DEPTOR: variants seen among roughly 807,000 people sequenced by gnomAD.
The protein encoded by DEPTOR is DEP domain containing MTOR interacting protein.
A neutral mutation model predicts 41.6 loss-of-function variants in DEPTOR; 41 were observed. The ratio of observed to expected loss-of-function variants is 0.98; its 90% CI spans 0.77 to 1.28. DEPTOR has a LOEUF of 1.28. Among genes scored for constraint, DEPTOR ranks in the 50% most tolerant of loss-of-function variants. The pLI, the probability that DEPTOR is intolerant of heterozygous loss-of-function variation, is 0.00. For synonymous variants in DEPTOR, 195 were observed against 192.3 expected, an observed-to-expected ratio of 1.01 and a Z score of -0.12; for missense variants, 514 against 527.9, an observed-to-expected ratio of 0.97 and a Z score of 0.26.
intron 3 of DEPTOR, among the ~76,000 whole-genome samples, chr8:119,930,544 T>G (rs1182613626): frequency 6.6e-6 from 1 of 152,132 alleles, no homozygotes; most frequent in Non-Finnish European, 1.5e-5. Flanking sequence ...GCCCCCTTTT[T>G]TCTTTTAAAT....
At chr8:119,954,747 G>A (rs970723581) in intron 3 of DEPTOR, among the ~76,000 whole-genome samples, 1 of 152,066 alleles carries the variant, frequency 6.6e-6, no homozygotes, top group Non-Finnish European at 1.5e-5. Context: ...GGTTAATACG[G>A]GTCTGGGAAA....
At chr8:120,021,382 G>A (rs1449263974) in intron 8 of DEPTOR, among the ~76,000 whole-genome samples, 3 of 152,092 alleles carry the variant, frequency 2.0e-5, no homozygotes, top group Admixed American at 6.6e-5. Flanking sequence ...CAGCCTGGGC[G>A]ACAAGAGTGA....
At chr8:120,007,285 T>A (rs1226744590) in intron 7 of DEPTOR, among the ~76,000 whole-genome samples, 1 of 152,204 alleles carries the variant, frequency 6.6e-6, no homozygotes, top group East Asian at 1.9e-4. Flanking sequence ...ATGCCAATAA[T>A]CCCTTCTGCA....
intron 8 of DEPTOR, among the ~76,000 whole-genome samples, chr8:120,026,921 T>C (rs1187542550): frequency 6.6e-6 from 1 of 152,150 alleles, no homozygotes; most frequent in Non-Finnish European, 1.5e-5. Context: ...CAACTGTTCT[T>C]AATAATAGTA....
intron 1 of DEPTOR, among the ~76,000 whole-genome samples, chr8:119,906,337 T>C (rs1015669297): frequency 3.3e-5 from 5 of 149,974 alleles, no homozygotes; most frequent in Non-Finnish European, 7.4e-5. Flanking sequence ...ATGTCTGTGG[T>C]CCCAGCTACT....
intron 8 of DEPTOR, among the ~76,000 whole-genome samples, chr8:120,016,823 C>T (rs758779201): frequency 7.9e-5 from 12 of 151,870 alleles, no homozygotes; most frequent in Non-Finnish European, 1.8e-4. Context: ...AGGTTGTTCT[C>T]GAACTCCTGA....
At chr8:119,896,373 G>A (rs374376879) in intron 1 of DEPTOR, among the ~76,000 whole-genome samples, 15 of 152,344 alleles carry the variant, frequency 9.8e-5, no homozygotes, top group African/African-American at 3.1e-4. Context: ...CTCTTTGATG[G>A]TTGAGGACAC....
intron 1 of DEPTOR, among the ~76,000 whole-genome samples, chr8:119,908,414 C>G (rs13267896): frequency 1.3e-5 from 2 of 151,820 alleles, no homozygotes; most frequent in Admixed American, 6.6e-5. Context: ...CATAGTGAGA[C>G]CCTGGTAGTA....
intron 1 of DEPTOR, among the ~76,000 whole-genome samples, chr8:119,882,841 C>T (rs916594565): frequency 1.3e-5 from 2 of 152,158 alleles, no homozygotes; most frequent in Non-Finnish European, 2.9e-5. Context: ...ACTTTCTACA[C>T]GGTAATTATA....
rs1387086577 is a variant in DEPTOR at position 120,049,603 on chromosome 8, G to A, written c.1129G>A (p.Gly377Arg). ...CTGTCAGTTTGTCGTCTCTGTCAAC[G>A]GGCTCAATGTCCTGCATGTAGACTA... ...KVCQFVVSVNGLNVLHVDYRT... is the reference protein window; with the variant it reads ...KVCQFVVSVNRLNVLHVDYRT... The change falls in exon 9 of 9, where the codon GGG becomes AGG. Residue 377 changes from glycine (G) to arginine (R), a missense_variant. Gly to Arg is a moderately radical substitution (Grantham distance 125). Coordinates refer to ENST00000286234, the MANE Select transcript of DEPTOR (RefSeq NM_022783.4). 5.0e-6 allele frequency: 8 copies of A among 1,613,174 alleles called. No homozygotes were observed. Among genetic ancestry groups the A allele is most frequent in the Admixed American group, 1.7e-5 (1 of 59,922 alleles).
chr8:119,930,683 A>G (rs1204819376), intron 3 of DEPTOR, among the ~76,000 whole-genome samples: 3 of 152,180 alleles, frequency 2.0e-5, no homozygotes, highest in Non-Finnish European at 2.9e-5. Context: ...TCTATGAGGA[A>G]CAAGTTTCAG....
chr8:119,946,620 G>A (rs888019748), intron 3 of DEPTOR, among the ~76,000 whole-genome samples: 1 of 151,998 alleles, frequency 6.6e-6, no homozygotes, highest in Non-Finnish European at 1.5e-5. Context: ...TGTAATCCCA[G>A]CTACTCGGGA....
intron 4 of DEPTOR, among the ~76,000 whole-genome samples, chr8:119,978,964 T>C (rs1348838162): frequency 6.6e-6 from 1 of 151,686 alleles, no homozygotes; most frequent in Non-Finnish European, 1.5e-5. Context: ...CCCTGCTCCC[T>C]GCTCCCTGCT....
chr8:120,042,660 A>G (rs1813094741), intron 8 of DEPTOR, among the ~76,000 whole-genome samples: 1 of 151,944 alleles, frequency 6.6e-6, no homozygotes, highest in Admixed American at 6.6e-5. Flanking sequence ...CTGGGATTAC[A>G]GGCATGCACC....
intron 4 of DEPTOR, among the ~76,000 whole-genome samples, chr8:119,976,296 G>A (rs954552295): frequency 2.6e-5 from 4 of 152,176 alleles, no homozygotes; most frequent in African/African-American, 9.6e-5. Flanking sequence ...TAACTAGAGA[G>A]TAAATGTTTT....
chr8:119,877,043 G>T (rs575198817), intron 1 of DEPTOR, among the ~76,000 whole-genome samples: 1 of 152,240 alleles, frequency 6.6e-6, no homozygotes, highest in East Asian at 1.9e-4. Flanking sequence ...AGGCTGCCTG[G>T]GTTCTTATTC....
At position 119,947,430 on chromosome 8, in the gene DEPTOR, C is replaced by T. The variant is rs115151323; in HGVS notation, c.425+17492C>T. ...CCATGCTGAGATGGTTGAGAGTCACCAAGCATCTGCCTGCACACCAGTGGC... is the reference window on the plus strand; with the variant it reads ...CCATGCTGAGATGGTTGAGAGTCACTAAGCATCTGCCTGCACACCAGTGGC... On this transcript the variant is annotated intron_variant, in intron 3 of 8. Coordinates refer to ENST00000286234, the MANE Select transcript of DEPTOR (RefSeq NM_022783.4). 5.5e-3 allele frequency among the ~76,000 whole-genome samples: 843 copies of T among 152,260 alleles called. 11 individuals carry two copies. Among genetic ancestry groups the T allele is most frequent in the African/African-American group, 0.019 (801 of 41,566 alleles).
At chr8:119,918,940 T>A (rs971582976) in intron 1 of DEPTOR, among the ~76,000 whole-genome samples, 2 of 128,958 alleles carry the variant, frequency 1.6e-5, no homozygotes, top group East Asian at 2.1e-4. Context: ...GCATAGTGAG[T>A]GTGTGTGTGT....
At chr8:120,032,180 C>T (rs1812900712) in intron 8 of DEPTOR, among the ~76,000 whole-genome samples, 2 of 150,486 alleles carry the variant, frequency 1.3e-5, no homozygotes, top group South Asian at 4.2e-4. Flanking sequence ...TTATACTTTC[C>T]AAAACTTCAT....
Sources: allele counts gnomAD v4.1 joint callset (sites outside exome capture counted in the v4.1 genomes callset), GRCh38; gene constraint gnomAD v4.1.1; transcripts MANE v1.5; gene names NCBI Gene and HGNC (gene_info 2026-07-23, HGNC 2026-07-21).